SSBP4: variants seen among roughly 807,000 people sequenced by gnomAD.
SSBP4 encodes single-stranded DNA-binding protein 4.
A neutral mutation model predicts 64.6 loss-of-function variants in SSBP4; 33 were observed. The observed-to-expected ratio is 0.51, with a 90% CI of 0.39 to 0.68. SSBP4 has a LOEUF of 0.68. Ranked by LOEUF, SSBP4 falls within the 30% of genes least tolerant of loss-of-function variation. The pLI, the probability that SSBP4 is intolerant of heterozygous loss-of-function variation, is 0.00. For missense variants in SSBP4, 583 were observed against 566.8 expected, an observed-to-expected ratio of 1.03 and a Z score of -0.29; for synonymous variants, 243 against 224.0, an observed-to-expected ratio of 1.08 and a Z score of -0.76.
chr19:18,420,294 G>A (rs923051345), intron 1 of SSBP4, among the ~76,000 whole-genome samples: 1 of 152,166 alleles, frequency 6.6e-6, no homozygotes, highest in African/African-American at 2.4e-5. Context: ...GGGGCGGGTG[G>A]GGACGACGGA....
chr19:18,409,955 C>G, the SSBP4 span, among the ~76,000 whole-genome samples: 1 of 152,202 alleles, frequency 6.6e-6, no homozygotes, highest in African/African-American at 2.4e-5. Context: ...CCTCAGCCGC[C>G]TGAGTAGCTG....
chr19:18,403,674 G>A, the SSBP4 span, among the ~76,000 whole-genome samples: 9 of 151,018 alleles, frequency 6.0e-5, no homozygotes, highest in Admixed American at 5.3e-4. Context: ...CTGGGGTCTG[G>A]GGATCCAGAA....
the SSBP4 span, among the ~76,000 whole-genome samples, chr19:18,404,752 C>T: frequency 6.8e-6 from 1 of 147,284 alleles, no homozygotes; most frequent in Non-Finnish European, 1.5e-5. Context: ...ATTAGCTGGG[C>T]GTGGTGGTGG....
the SSBP4 span, among the ~76,000 whole-genome samples, chr19:18,412,808 A>G: frequency 3.3e-5 from 5 of 152,154 alleles, no homozygotes; most frequent in African/African-American, 1.2e-4. Flanking sequence ...GGAGGCTGCC[A>G]AGGCAGCTGG....
At chr19:18,416,800 C>T (rs1361163164), upstream of SSBP4, among the ~76,000 whole-genome samples, 1 of 152,216 alleles carries the variant, frequency 6.6e-6, no homozygotes, top group Non-Finnish European at 1.5e-5. Flanking sequence ...TTTTTCCTCC[C>T]CGCCCTGCCC....
Position 18,433,036 on chromosome 19 carries a change from G to A in SSBP4, c.905G>A (p.Arg302Lys), listed in dbSNP as rs1465507469. The change falls in exon 14 of 18, where the codon AGG becomes AAG. Residue 302 changes from arginine to lysine, a missense_variant. By Grantham distance (26) the Arg-to-Lys change is conservative (BLOSUM62 2). Transcript: ENST00000270061. Reference protein sequence around the residue: ...IMNPIGQGAGRANFPLGPGPE... With the variant: ...IMNPIGQGAGKANFPLGPGPE... ...AACCCCATCGGGCAGGGCGCCGGCAGGGCTAATGTGAGTGGGGGCTTGCAG... is the reference window on the plus strand; with the variant it reads ...AACCCCATCGGGCAGGGCGCCGGCAAGGCTAATGTGAGTGGGGGCTTGCAG... 1 of 1,614,066 alleles carries A rather than the reference G, an allele frequency of 6.2e-7. No homozygotes were observed.
At chr19:18,419,347 G>T, upstream of SSBP4, 1 of 1,018,248 alleles carries the variant, frequency 9.8e-7, no homozygotes, top group Non-Finnish European at 1.2e-6. Flanking sequence ...GCCCGCGGGC[G>T]GCGTAGAGGC....
At position 18,427,818 on chromosome 19, in the gene SSBP4, G is replaced by A. The variant is rs201755013; in HGVS notation, c.194+5G>A. Reference sequence around the variant, plus strand: ...GTTCCTGCACTCCTGGTGGTGGTACGGGCTGGGCTGCTGTGGGTGGGCTGT... The same window carrying A: ...GTTCCTGCACTCCTGGTGGTGGTACAGGCTGGGCTGCTGTGGGTGGGCTGT... On this transcript the variant is annotated splice_donor_5th_base_variant and intron_variant, in intron 3 of 17. Transcript: ENST00000270061. The surrounding 1 kb of genome is among the most constrained non-coding windows in gnomAD (Gnocchi z 4.4). 1.3e-4 allele frequency: 202 copies of A among 1,611,994 alleles called. 1 individual carries two copies. The East Asian group carries it at 4.0e-3, about 32-fold the overall frequency.
chr19:18,410,299 T>A, the SSBP4 span, among the ~76,000 whole-genome samples: 2 of 151,918 alleles, frequency 1.3e-5, no homozygotes, highest in Non-Finnish European at 2.9e-5. Flanking sequence ...CCCGGCCTAA[T>A]TTTTGTATTT....
At chr19:18,428,056 T>TGGGGGGCGTGGGGGGGGGGGGGGGGGGG in intron 4 of SSBP4, 74 bp downstream of exon 4, 2 of 444,254 alleles carry the variant, frequency 4.5e-6, no homozygotes, top group Admixed American at 3.8e-5. Context: ...GGAGGTGGGG[T>TGGGGGGCGTGGGGGGGGGGGGGGGGGGG]GGGGGGCTGC....
At chr19:18,406,970 G>C in the SSBP4 span, among the ~76,000 whole-genome samples, 2 of 152,080 alleles carry the variant, frequency 1.3e-5, no homozygotes, top group African/African-American at 2.4e-5. Context: ...GTGTGACCTA[G>C]GACCCGCACC....
At chr19:18,414,590 A>T (rs1972116912), upstream of SSBP4, among the ~76,000 whole-genome samples, 1 of 152,170 alleles carries the variant, frequency 6.6e-6, no homozygotes, top group Admixed American at 6.5e-5. Flanking sequence ...ATGACTCTGG[A>T]GTTCAAGTGC....
At position 18,419,621 on chromosome 19, in the gene SSBP4, G is replaced by C. The variant is rs758623588; in HGVS notation, c.-28G>C. 7.9e-7 allele frequency: 1 copy of C among 1,264,044 alleles called. No individual in the cohort carries two copies. Among genetic ancestry groups the C allele is most frequent in the South Asian group, 2.1e-5 (1 of 48,596 alleles). 78.3% of individuals were successfully genotyped at this position (1,264,044 alleles called of 1,614,324 possible). On this transcript the variant is annotated 5_prime_UTR_variant, in exon 1 of 18. Transcript: ENST00000270061. ...CCCGCGGCGCCGCCTGACAGGTGTG[G>C]GCCCCGGCGGCGGCGGCGTGGAGCA... is the stretch of plus-strand genomic sequence containing the variant.
At position 18,431,848 on chromosome 19, in the gene SSBP4, C is replaced by T; in HGVS notation, c.551C>T (p.Ser184Phe). ...QPLLPGAMEP[S>F]PRAQGHPSMG... ...CTCCTCCCTGGCGCCATGGAGCCCT[C>T]CCCACGAGCCCAGGGTGAGTAGGGA... The change falls in exon 8 of 18, where the codon TCC (serine) becomes TTC (phenylalanine). Residue 184 changes from serine to phenylalanine, a missense_variant. Ser to Phe is a radical substitution (Grantham distance 155). This residue lies in a region of SSBP4 where 444 missense variants were observed against 386.6 expected (regional missense o/e 1.15). Coordinates refer to ENST00000270061, the MANE Select transcript of SSBP4 (RefSeq NM_032627.5). 6.4e-7 allele frequency: 1 copy of T among 1,572,118 alleles called. No individual in the cohort carries two copies. The highest frequency in any genetic ancestry group is 1.8e-5 in the Admixed American group (1 of 54,780).
chr19:18,433,131 G>A lies in SSBP4; in HGVS notation c.913-4G>A. The A allele has an allele frequency of 3.7e-6, 6 of 1,608,878 alleles. No individual in the cohort carries two copies. Among genetic ancestry groups the A allele is most frequent in the South Asian group, 3.3e-5 (3 of 90,658 alleles). ...CGAGTCCCACGCTGTCCCCATGCCCGCAGTTCCCGCTCGGCCCTGGCCCGG... is the reference window on the plus strand; with the variant it reads ...CGAGTCCCACGCTGTCCCCATGCCCACAGTTCCCGCTCGGCCCTGGCCCGG... On this transcript the variant is annotated splice_region_variant and splice_polypyrimidine_tract_variant and intron_variant, in intron 14 of 17. Coordinates refer to ENST00000270061, the MANE Select transcript of SSBP4 (RefSeq NM_032627.5).
chr19:18,433,419 C>T (rs973991024), intron 15 of SSBP4, 166 bp from the exon 16 acceptor site: 11 of 1,346,976 alleles, frequency 8.2e-6, no homozygotes, highest in South Asian at 1.3e-5. Flanking sequence ...GCCCCTCCCC[C>T]CCAGGCCCAA....
At chr19:18,404,628 C>T in the SSBP4 span, among the ~76,000 whole-genome samples, 1 of 143,204 alleles carries the variant, frequency 7.0e-6, no homozygotes, top group Non-Finnish European at 1.5e-5. Context: ...CGGGGTGGCT[C>T]ACGCCTGTAA....
In SSBP4 at chr19:18,433,452, G is replaced by C. The variant is rs573950733; in HGVS notation, c.992-133G>C. 1.7e-5 allele frequency: 25 copies of C among 1,464,018 alleles called. No homozygotes were observed. The African/African-American group carries it at 3.3e-4, about 20-fold the overall frequency. The allele number at this position is 1,464,018 out of a possible 1,614,324, so 90.7% of individuals were successfully genotyped here. A position where few individuals can be genotyped will look rare whatever the true frequency, so the allele number is the denominator to read the frequency against. On this transcript the variant is annotated intron_variant, in intron 15 of 17. Transcript: ENST00000270061. The stretch of plus-strand genomic sequence containing the variant: ...CAACCCTCCACCTGGCCTCAGTCCC[G>C]GGGTTCCTGGCGGGCTGTGCGGGGC...
At chr19:18,407,463 C>T in the SSBP4 span, among the ~76,000 whole-genome samples, 1 of 152,106 alleles carries the variant, frequency 6.6e-6, no homozygotes, top group Non-Finnish European at 1.5e-5. Flanking sequence ...GTTGCCCAGG[C>T]TGGAGTGCAG....
Sources: gnomAD v4.1 joint callset for allele counts (sites outside exome capture counted in the v4.1 genomes callset) on GRCh38, gnomAD v4.1.1 for gene constraint, gnomAD v4.1.1 regional missense constraint, Gnocchi (gnomAD v3.1) non-coding constraint, MANE v1.5 for transcripts, NCBI Gene and HGNC (gene_info 2026-07-23, HGNC 2026-07-21) for gene names.